TRPM7: variants seen among roughly 807,000 people sequenced by gnomAD.
TRPM7 encodes LTRPC ion channel family member 7.
TRPM7 carries 134 observed loss-of-function variants against 229.7 expected under a neutral mutation model. That is an observed-to-expected ratio of 0.58 (90% CI 0.51 to 0.67). TRPM7 has a LOEUF of 0.67. Ranked by LOEUF, TRPM7 falls within the 30% of genes least tolerant of loss-of-function variation. The pLI, the probability that TRPM7 is intolerant of heterozygous loss-of-function variation, is 0.00. For synonymous variants in TRPM7, 699 were observed against 715.2 expected, an observed-to-expected ratio of 0.98 and a Z score of 0.36; for missense variants, 1,901 against 2,210.0, an observed-to-expected ratio of 0.86 and a Z score of 2.80.
intron 1 of TRPM7, among the ~76,000 whole-genome samples, chr15:50,668,269 G>A (rs2061925454): frequency 6.6e-6 from 1 of 152,182 alleles, no homozygotes; most frequent in Admixed American, 6.5e-5. Flanking sequence ...GTATCAAACA[G>A]GAGTTAACTT....
rs1447663625 is a variant in TRPM7 at position 50,678,158 on chromosome 15, G to A, written c.3+8373C>T. On this transcript the variant is annotated intron_variant, in intron 1 of 38. Coordinates refer to ENST00000646667, the MANE Select transcript of TRPM7 (RefSeq NM_017672.6). ...CGGGAGGCTGAGGCAGGAGGATGGC[G>A]TGAACCCAAGAGGCAGAGCTTGCAG... 4.0e-5 allele frequency among the ~76,000 whole-genome samples: 6 copies of A among 148,414 alleles called. 1 individual carries two copies. Among genetic ancestry groups the A allele is most frequent in the Middle Eastern group, 6.5e-3 (2 of 310 alleles).
intron 12 of TRPM7, among the ~76,000 whole-genome samples, chr15:50,623,269 G>A (rs990804635): frequency 6.6e-6 from 1 of 151,938 alleles, no homozygotes. Context: ...AAAATTAGCT[G>A]GGTGCAGTGG....
intron 21 of TRPM7, among the ~76,000 whole-genome samples, chr15:50,602,014 C>T (rs890831954): frequency 2.0e-5 from 3 of 150,824 alleles, no homozygotes; most frequent in Non-Finnish European, 2.9e-5. Context: ...ACCATTTGAC[C>T]CAGCAATCCC....
At chr15:50,591,486 A>T (rs1447769328) in intron 26 of TRPM7, among the ~76,000 whole-genome samples, 2 of 143,628 alleles carry the variant, frequency 1.4e-5, no homozygotes, top group African/African-American at 5.2e-5. Flanking sequence ...CCTACTTCTG[A>T]TTTTTTTTTT....
At chr15:50,562,943 G>A (rs1014127842) in intron 38 of TRPM7, among the ~76,000 whole-genome samples, 1 of 152,092 alleles carries the variant, frequency 6.6e-6, no homozygotes, top group African/African-American at 2.4e-5. Context: ...AGCTCTAGGA[G>A]GAGTGTTCTA....
chr15:50,605,090 C>T lies in TRPM7; in HGVS notation c.2764G>A (p.Asp922Asn). 1 of 1,612,692 alleles carries T rather than the reference C, an allele frequency of 6.2e-7. No individual in the cohort carries two copies. The highest frequency in any genetic ancestry group is 8.5e-7 in the Non-Finnish European group (1 of 1,179,462). The change falls in exon 21 of 39, where the codon GAT (aspartate) becomes AAT (asparagine). Residue 922 changes from aspartate (D) to asparagine (N), a missense_variant. Asp to Asn is a conservative substitution (Grantham distance 23). Around this residue, in one of 8 missense-constraint regions of TRPM7, gnomAD observed 207 missense variants for 241.5 expected, o/e 0.86. Coordinates refer to ENST00000646667, the MANE Select transcript of TRPM7 (RefSeq NM_017672.6). ...VNQKIKVWFS[D>N]YFNISDTIAI... ...ATTGTATCACTGATGTTGAAGTAAT[C>T]ACTAAACCATACTTTAATCTTCTGG... is the stretch of plus-strand genomic sequence containing the variant.
At chr15:50,611,885 A>G (rs2060071517) in intron 16 of TRPM7, among the ~76,000 whole-genome samples, 1 of 152,198 alleles carries the variant, frequency 6.6e-6, no homozygotes, top group South Asian at 2.1e-4. Context: ...ATATTCCAAC[A>G]CTGCCCCTCT....
chr15:50,573,955 G>A (rs1200135432), intron 36 of TRPM7, among the ~76,000 whole-genome samples: 2 of 151,862 alleles, frequency 1.3e-5, no homozygotes, highest in Non-Finnish European at 2.9e-5. Context: ...TACTCGGGAG[G>A]CTGAGGCAAG....
chr15:50,586,934 T>C (rs2059358117), intron 27 of TRPM7, among the ~76,000 whole-genome samples: 1 of 152,250 alleles, frequency 6.6e-6, no homozygotes, highest in Admixed American at 6.5e-5. Context: ...GAGAATCACT[T>C]GAACCCGGGA....
Position 50,574,482 on chromosome 15 carries a change from T to C in TRPM7, c.5103-3A>G. ...ACAGCAGGAAAACTTCAAGGAACCT[T>C]ATAAAAAATAGTTATAAATATTACT... On this transcript the variant is annotated splice_region_variant and splice_polypyrimidine_tract_variant and intron_variant, in intron 35 of 38. Coordinates refer to ENST00000646667, the MANE Select transcript of TRPM7 (RefSeq NM_017672.6). The C allele has an allele frequency of 1.2e-6, 2 of 1,604,434 alleles. No individual in the cohort carries two copies. The highest frequency in any genetic ancestry group is 1.7e-6 in the Non-Finnish European group (2 of 1,176,088).
At chr15:50,589,250 A>G (rs1218890880) in intron 27 of TRPM7, among the ~76,000 whole-genome samples, 1 of 134,452 alleles carries the variant, frequency 7.4e-6, no homozygotes, top group Non-Finnish European at 1.5e-5. Context: ...TGAACCCGGG[A>G]GGTGGAGGTT....
At chr15:50,667,089 C>T (rs1294124348) in intron 1 of TRPM7, among the ~76,000 whole-genome samples, 1 of 151,962 alleles carries the variant, frequency 6.6e-6, no homozygotes, top group Non-Finnish European at 1.5e-5. Context: ...CTGAGGAGAC[C>T]CCCAACCCAA....
intron 16 of TRPM7, among the ~76,000 whole-genome samples, chr15:50,611,956 G>A (rs2060073288): frequency 1.3e-5 from 2 of 152,208 alleles, no homozygotes; most frequent in African/African-American, 4.8e-5. Context: ...TCTAGCTTCT[G>A]AAGTGCCTTC....
chr15:50,600,923 A>G (rs1283977705), intron 21 of TRPM7, among the ~76,000 whole-genome samples: 1 of 152,236 alleles, frequency 6.6e-6, no homozygotes, highest in Non-Finnish European at 1.5e-5. Flanking sequence ...ACACGCTCCA[A>G]AATTCTTAAT....
intron 13 of TRPM7, among the ~76,000 whole-genome samples, chr15:50,616,083 C>T (rs1431174690): frequency 6.6e-6 from 1 of 151,958 alleles, no homozygotes; most frequent in African/African-American, 2.4e-5. Context: ...TGATATTCTT[C>T]AATATTATTT....
At chr15:50,651,055 T>C (rs547083389) in intron 3 of TRPM7, among the ~76,000 whole-genome samples, 3 of 152,006 alleles carry the variant, frequency 2.0e-5, no homozygotes, top group Non-Finnish European at 2.9e-5. Flanking sequence ...GGCGTGGTGA[T>C]GCACGCCTGT....
In TRPM7 at chr15:50,557,179, T is replaced by G. The variant is rs1327914922; in HGVS notation, c.*4499A>C. The G allele has an allele frequency of 6.6e-6, 1 of 152,242 alleles. No individual in the cohort carries two copies. The highest frequency in any genetic ancestry group is 1.5e-5 in the Non-Finnish European group (1 of 68,042). 9.4% of individuals were successfully genotyped at this position (152,242 alleles called of 1,614,324 possible). A position where few individuals can be genotyped will look rare whatever the true frequency, so the allele number is the denominator to read the frequency against. ...TTTCTTTCAAGTGGTAAATAGCCAT[T>G]TATTGAGTATTCTTGCTTTGATTGT... On this transcript the variant is annotated 3_prime_UTR_variant, in exon 39 of 39. Transcript: ENST00000646667.
intron 1 of TRPM7, among the ~76,000 whole-genome samples, chr15:50,678,147 A>G (rs2140975429): frequency 6.7e-6 from 1 of 150,104 alleles, no homozygotes; most frequent in South Asian, 2.2e-4. Context: ...AGGCTGAGGC[A>G]GGAGGATGGC....
At chr15:50,572,975 C>G (rs2141491220) in intron 36 of TRPM7, among the ~76,000 whole-genome samples, 1 of 152,276 alleles carries the variant, frequency 6.6e-6, no homozygotes, top group South Asian at 2.1e-4. Context: ...TGGCAACTTG[C>G]TCAATTTAAC....
Sources: gnomAD v4.1 joint callset for allele counts (sites outside exome capture counted in the v4.1 genomes callset) on GRCh38, gnomAD v4.1.1 for gene constraint, gnomAD v4.1.1 regional missense constraint, MANE v1.5 for transcripts, NCBI Gene and HGNC (gene_info 2026-07-23, HGNC 2026-07-21) for gene names.